The following RBM39 variants were observed in gnomAD, a reference collection of about 807,000 sequenced individuals.
RBM39 encodes RNA-binding protein 39.
In RBM39, 12 loss-of-function variants were observed where a neutral mutation model predicts 79.6. The ratio of observed to expected loss-of-function variants is 0.15; its 90% CI spans 0.10 to 0.24. The LOEUF is 0.24. RBM39 is among the 10% of genes least tolerant of loss of function. The pLI, the probability that RBM39 is intolerant of heterozygous loss-of-function variation, is 1.00. For missense variants in RBM39, 243 were observed against 653.4 expected (o/e 0.37, Z 6.85); for synonymous variants, 185 against 208.4 (o/e 0.89, Z 0.97).
At position 35,739,144 on chromosome 20, in the gene RBM39, A is replaced by G. The variant is rs2040275896; in HGVS notation, c.52-127T>C. ...AAAACTAATTATTTACTTATAGTTT[A>G]ACATGGAAGGCTATAAAAAAATTTA... is the stretch of plus-strand genomic sequence containing the variant. On this transcript the variant is annotated intron_variant, in intron 2 of 16. Transcript: ENST00000253363. 1.7e-5 allele frequency: 14 copies of G among 835,944 alleles called. 1 individual carries two copies. In the South Asian group the frequency reaches 2.0e-4, roughly 12 times the overall value. The allele number at this position is 835,944 out of a possible 1,614,324, so 51.8% of individuals were successfully genotyped here.
chr20:35,716,486 C>A (rs1374984548), intron 10 of RBM39, among the ~76,000 whole-genome samples: 2 of 152,052 alleles, frequency 1.3e-5, no homozygotes, highest in East Asian at 3.8e-4. Context: ...TTAGGAGTAC[C>A]TAAGTGTGAT....
intron 4 of RBM39, 152 bp from the exon 5 acceptor site, chr20:35,729,679 T>C (rs1320482254): frequency 1.5e-6 from 1 of 679,916 alleles, no homozygotes; most frequent in African/African-American, 1.8e-5. Flanking sequence ...CTCTTAACTT[T>C]ATTCCCAGGC....
intron 3 of RBM39, chr20:35,734,730 A>C: frequency 9.2e-7 from 1 of 1,089,626 alleles, no homozygotes; most frequent in Non-Finnish European, 1.2e-6. Context: ...GTAAAAAGAC[A>C]GCAACATACT....
At chr20:35,739,504 T>G (rs1193955301) in intron 2 of RBM39, 1 of 471,190 alleles carries the variant, frequency 2.1e-6, no homozygotes, top group South Asian at 1.5e-5. Context: ...GTTGGAGGGT[T>G]GGGACTGTAA....
At chr20:35,735,022 G>A (rs1442322468) in intron 3 of RBM39, 11 of 1,606,784 alleles carry the variant, frequency 6.8e-6, no homozygotes, top group Non-Finnish European at 7.6e-6. Flanking sequence ...AAGGTGTTTT[G>A]CTATAACTGG....
chr20:35,722,999 A>G (rs1189261358), intron 8 of RBM39, among the ~76,000 whole-genome samples: 1 of 152,120 alleles, frequency 6.6e-6, no homozygotes, highest in Non-Finnish European at 1.5e-5. Flanking sequence ...ATGAACCTAC[A>G]TTCTTGACAA....
chr20:35,733,034 G>A (rs2039535094), intron 3 of RBM39, among the ~76,000 whole-genome samples: 1 of 152,146 alleles, frequency 6.6e-6, no homozygotes, highest in African/African-American at 2.4e-5. Context: ...CCAGTGCAGT[G>A]GCTCACGCCT....
At chr20:35,734,694 C>T (rs1292190255) in intron 3 of RBM39, 1 of 661,546 alleles carries the variant, frequency 1.5e-6, no homozygotes. Context: ...AAGTCCTCAC[C>T]CACATCTGAA....
intron 12 of RBM39, among the ~76,000 whole-genome samples, chr20:35,712,634 ACT>A (rs937491747): frequency 6.6e-6 from 1 of 151,612 alleles, no homozygotes; most frequent in Non-Finnish European, 1.5e-5. Flanking sequence ...CTGTCTCAAC[ACT>A]CTTACTACTA....
At chr20:35,704,910 A>G in intron 15 of RBM39, 164 bp from the exon 16 acceptor site, 1 of 630,116 alleles carries the variant, frequency 1.6e-6, no homozygotes, top group African/African-American at 1.8e-5. Context: ...TTATTAAAAA[A>G]TGACTTCTAC....
Position 35,702,560 on chromosome 20 carries a change from T to C in RBM39, c.*1921A>G, listed in dbSNP as rs1268324793. 1.3e-5 allele frequency: 2 copies of C among 152,196 alleles called. No individual in the cohort carries two copies. The highest frequency in any genetic ancestry group is 2.9e-5 in the Non-Finnish European group (2 of 68,034). The allele number at this position is 152,196 out of a possible 1,614,324, so 9.4% of individuals were successfully genotyped here. On this transcript the variant is annotated 3_prime_UTR_variant, in exon 17 of 17. Coordinates refer to ENST00000253363, the MANE Select transcript of RBM39 (RefSeq NM_184234.3). ...GACTTGGTTCAAGGGGAAAAACTGA[T>C]AGCAGGAGATACTTTGGAAAAAGAG...
intron 3 of RBM39, among the ~76,000 whole-genome samples, chr20:35,733,371 G>T (rs982263126): frequency 1.3e-5 from 2 of 151,152 alleles, no homozygotes; most frequent in Non-Finnish European, 2.9e-5. Context: ...ACTTTGGGAG[G>T]CTGAGGAAGG....
At chr20:35,734,382 G>A in intron 3 of RBM39, 2 of 362,600 alleles carry the variant, frequency 5.5e-6, no homozygotes, top group Non-Finnish European at 1.0e-5. Context: ...ATGGGCAATA[G>A]GTAACACTCC....
At position 35,738,688 on chromosome 20, in the gene RBM39, C is replaced by A. The variant is rs149946438; in HGVS notation, c.101+280G>T. Among the ~76,000 whole-genome samples the A allele has an allele frequency of 9.9e-5, 15 of 152,214 alleles. No homozygotes were observed. In the East Asian group the frequency reaches 2.9e-3, roughly 29 times the overall value. ...TAACCAAATATCAAACCAAAGTTAACAAATTTAAAACAAGACAACCTCTAA... is the reference window on the plus strand; with the variant it reads ...TAACCAAATATCAAACCAAAGTTAAAAAATTTAAAACAAGACAACCTCTAA... On this transcript the variant is annotated intron_variant, in intron 3 of 16. Coordinates refer to ENST00000253363, the MANE Select transcript of RBM39 (RefSeq NM_184234.3).
At chr20:35,706,156 C>T (rs1438048714) in intron 14 of RBM39, among the ~76,000 whole-genome samples, 3 of 152,040 alleles carry the variant, frequency 2.0e-5, no homozygotes, top group African/African-American at 7.2e-5. Context: ...CTGGCCAACA[C>T]GGCAAAACCC....
At chr20:35,714,416 G>T (rs1275140334) in intron 10 of RBM39, 27 bp from the exon 11 acceptor site, 3 of 1,582,498 alleles carry the variant, frequency 1.9e-6, no homozygotes, top group African/African-American at 1.4e-5. Context: ...GCAAGGACAG[G>T]AGACAGTGCT....
chr20:35,727,650 A>ATT (rs149113488), intron 6 of RBM39, among the ~76,000 whole-genome samples: 71 of 130,070 alleles, frequency 5.5e-4, no homozygotes, highest in Middle Eastern at 4.1e-3. Context: ...TAATTTTTGT[A>ATT]TTTTTTTTTT....
chr20:35,714,526 G>C (rs1452381417), intron 10 of RBM39, 137 bp from the exon 11 acceptor site: 2 of 1,255,432 alleles, frequency 1.6e-6, no homozygotes, highest in Non-Finnish European at 2.1e-6. Context: ...CAAGCTGTAA[G>C]TAGCAAACAC....
chr20:35,729,586 T>C, intron 4 of RBM39, 59 bp from the exon 5 acceptor site: 1 of 1,450,328 alleles, frequency 6.9e-7, no homozygotes, highest in Non-Finnish European at 9.6e-7. Flanking sequence ...TAAGATCGCA[T>C]TCATGCGCTC....
Sources: allele counts gnomAD v4.1 joint callset (sites outside exome capture counted in the v4.1 genomes callset), GRCh38; gene constraint gnomAD v4.1.1; transcripts MANE v1.5; gene names NCBI Gene and HGNC (gene_info 2026-07-23, HGNC 2026-07-21).